Variants in KLK14 observed in about 807,000 individuals in gnomAD.
The protein encoded by KLK14 is kallikrein related peptidase 14.
KLK14 carries 21 observed loss-of-function variants against 24.6 expected under a neutral mutation model. That is an observed-to-expected ratio of 0.85 (90% CI 0.61 to 1.23). The LOEUF (loss-of-function observed/expected upper bound fraction) is 1.23, where lower values mean the gene tolerates loss of function less well. Among genes scored for constraint, KLK14 ranks in the 50% most tolerant of loss-of-function variants. The pLI is 0.00. For synonymous variants in KLK14, 133 were observed against 139.7 expected (o/e 0.95, Z 0.34); for missense variants, 320 against 338.9 (o/e 0.94, Z 0.44).
chr19:51,081,684 C>G lies in KLK14; in HGVS notation c.60G>C (p.Glu20Asp). The G allele has an allele frequency of 6.5e-7, 1 of 1,548,536 alleles. No individual in the cohort carries two copies. Among genetic ancestry groups the G allele is most frequent in the Middle Eastern group, 1.7e-4 (1 of 5,962 alleles). The change falls in exon 3 of 6, where the codon GAG becomes GAC. Residue 20 changes from glutamate (E) to aspartate (D), a missense_variant. Coordinates refer to ENST00000650543, the MANE Select transcript of KLK14 (RefSeq NM_001369775.2). Reference sequence around the variant, plus strand: ...GGCCACCAATTATCTTGTTCTCATCCTCTTGGCTCTGTGTCATGGCTAGGA... The same window carrying G: ...GGCCACCAATTATCTTGTTCTCATCGTCTTGGCTCTGTGTCATGGCTAGGA... ...VLAIAMTQSQ[E>D]DENKIIGGHT...
rs146343682 is a variant in KLK14 at position 51,078,474 on chromosome 19, G to T, written c.604-315C>A. Among the ~76,000 whole-genome samples the T allele has an allele frequency of 5.2e-3, 798 of 152,206 alleles. 9 individuals carry two copies. Among genetic ancestry groups the T allele is most frequent in the African/African-American group, 0.018 (767 of 41,486 alleles). On this transcript the variant is annotated intron_variant, in intron 5 of 5. Coordinates refer to ENST00000650543, the MANE Select transcript of KLK14 (RefSeq NM_001369775.2). The surrounding 1 kb of genome is among the most constrained non-coding windows in gnomAD (Gnocchi z 5.0). Reference sequence around the variant, plus strand: ...TTTCCCCATCTCTGCCTCCCTCAAGGATGCATTAAGATTTCTAGAAGCCTC... The same window carrying T: ...TTTCCCCATCTCTGCCTCCCTCAAGTATGCATTAAGATTTCTAGAAGCCTC...
downstream of KLK14, among the ~76,000 whole-genome samples, chr19:51,077,724 T>C (rs1454959160): frequency 6.4e-4 from 65 of 101,000 alleles, no homozygotes; most frequent in East Asian, 3.2e-3. Context: ...CCTGGACTCC[T>C]GGGTCTGAGG....
chr19:51,078,410 G>A lies in KLK14; in HGVS notation c.604-251C>T, dbSNP rs1001680580. 6.6e-6 allele frequency among the ~76,000 whole-genome samples: 1 copy of A among 152,096 alleles called. No homozygotes were observed. Among genetic ancestry groups the A allele is most frequent in the African/African-American group, 2.4e-5 (1 of 41,402 alleles). Reference sequence around the variant, plus strand: ...AATCTCACCAGGCCCCTCTCTGTTCGCTCCAACTGTAGAACATTTGTGTGT... The same window carrying A: ...AATCTCACCAGGCCCCTCTCTGTTCACTCCAACTGTAGAACATTTGTGTGT... On this transcript the variant is annotated intron_variant, in intron 5 of 5. Coordinates refer to ENST00000650543, the MANE Select transcript of KLK14 (RefSeq NM_001369775.2). This position sits in a 1 kb window ranked among gnomAD's most constrained non-coding sequence, Gnocchi z 5.0.
chr19:51,084,124 A>G (rs895908202), upstream of KLK14: 1 of 152,512 alleles, frequency 6.6e-6, no homozygotes, highest in African/African-American at 2.4e-5. Context: ...GACCTGGAGC[A>G]GAGCTGCCCA....
upstream of KLK14, chr19:51,082,970 A>ATT (rs879505996): frequency 1.2e-3 from 611 of 520,198 alleles, no homozygotes; most frequent in Middle Eastern, 2.1e-3. Context: ...TGCTTCTGAC[A>ATT]TTTTTTTTTT....
upstream of KLK14, among the ~76,000 whole-genome samples, chr19:51,083,742 A>G (rs1225414153): frequency 6.6e-6 from 1 of 151,848 alleles, no homozygotes; most frequent in African/African-American, 2.4e-5. Flanking sequence ...GGAGATAGAA[A>G]AGCAAAAGAC....
chr19:51,078,728 C>T lies in KLK14; in HGVS notation c.603+87G>A. 1 of 1,532,092 alleles carries T rather than the reference C, an allele frequency of 6.5e-7. No homozygotes were observed. Among genetic ancestry groups the T allele is most frequent in the Non-Finnish European group, 8.9e-7 (1 of 1,129,316 alleles). 94.9% of individuals were successfully genotyped at this position (1,532,092 alleles called of 1,614,324 possible). ...CCTGCGGTTCACTCTCTTCTGAAGA[C>T]CTCTGCAGACTTCCATGCTCCTGAC... is the stretch of plus-strand genomic sequence containing the variant. On this transcript the variant is annotated intron_variant, in intron 5 of 5. Coordinates refer to ENST00000650543, the MANE Select transcript of KLK14 (RefSeq NM_001369775.2). This position sits in a 1 kb window ranked among gnomAD's most constrained non-coding sequence, Gnocchi z 5.0.
At chr19:51,082,043 A>G (rs918938357) in intron 2 of KLK14, among the ~76,000 whole-genome samples, 2 of 151,472 alleles carry the variant, frequency 1.3e-5, no homozygotes, top group African/African-American at 2.4e-5. Context: ...TTTCCCCCCA[A>G]TGAGTCCTTC....
downstream of KLK14, chr19:51,077,545 G>T: frequency 5.4e-6 from 1 of 183,588 alleles, no homozygotes; most frequent in Non-Finnish European, 1.1e-5. Flanking sequence ...ATCAGAGCCG[G>T]AGTAAAGATC....
At position 51,078,152 on chromosome 19, in the gene KLK14, G is replaced by C; in HGVS notation, c.611C>G (p.Ser204Cys). ...TCCTCTGCACACCAGGGGTCCCCCAGAGTCACCCTGAGGGGGAGGAACAGA... is the reference window on the plus strand; with the variant it reads ...TCCTCTGCACACCAGGGGTCCCCCACAGTCACCCTGAGGGGGAGGAACAGA... ...QGGKDSCQGDSGGPLVCRGQL... is the reference protein window; with the variant it reads ...QGGKDSCQGDCGGPLVCRGQL... Residue 204 changes from serine to cysteine, a missense_variant, in exon 6 of 6, where the codon TCT (serine) becomes TGT (cysteine). Physicochemically the swap from Ser to Cys is moderately radical, Grantham distance 112. Transcript: ENST00000650543. This position sits in a 1 kb window ranked among gnomAD's most constrained non-coding sequence, Gnocchi z 5.0. The C allele has an allele frequency of 1.9e-6, 3 of 1,613,524 alleles. No individual in the cohort carries two copies. The highest frequency in any genetic ancestry group is 2.5e-6 in the Non-Finnish European group (3 of 1,179,762).
chr19:51,081,299 A>C (rs1263362621), intron 3 of KLK14, among the ~76,000 whole-genome samples: 1 of 152,212 alleles, frequency 6.6e-6, no homozygotes, highest in East Asian at 1.9e-4. Context: ...GGTTCTCAGC[A>C]GGTCCATGGG....
intron 2 of KLK14, among the ~76,000 whole-genome samples, chr19:51,082,035 TC>T (rs1357487149): frequency 6.6e-6 from 1 of 151,530 alleles, no homozygotes; most frequent in Non-Finnish European, 1.5e-5. Flanking sequence ...ATGCCACATT[TC>T]CCCCCAATGA....
Position 51,079,711 on chromosome 19 carries a change from G to A in KLK14, c.213-9C>T, listed in dbSNP as rs777997213. On this transcript the variant is annotated splice_polypyrimidine_tract_variant and intron_variant, in intron 3 of 5. Coordinates refer to ENST00000650543, the MANE Select transcript of KLK14 (RefSeq NM_001369775.2). ...GGGCAACCTGAAGGATCCTGGCCAC[G>A]ACCCCCAAGAGAAGCGCTGCTCAGG... is the stretch of plus-strand genomic sequence containing the variant. 2.1e-5 allele frequency: 32 copies of A among 1,547,654 alleles called. No individual in the cohort carries two copies. The highest frequency in any genetic ancestry group is 2.5e-5 in the Non-Finnish European group (29 of 1,147,604).
intron 3 of KLK14, among the ~76,000 whole-genome samples, chr19:51,081,291 T>G (rs2091837297): frequency 6.6e-6 from 1 of 152,200 alleles, no homozygotes. Flanking sequence ...AGATGTTCGG[T>G]TCTCAGCAGG....
Position 51,078,997 on chromosome 19 carries a change from A to T in KLK14, c.467-46T>A, listed in dbSNP as rs1599796187. On this transcript the variant is annotated intron_variant, in intron 4 of 5. Coordinates refer to ENST00000650543, the MANE Select transcript of KLK14 (RefSeq NM_001369775.2). This position sits in a 1 kb window ranked among gnomAD's most constrained non-coding sequence, Gnocchi z 5.0. ...ATAACTGGGTCTACCCTCCCATAAG[A>T]CCCAAGGGTCCAGGCCCCCAGCCCC... The T allele has an allele frequency of 6.3e-7, 1 of 1,578,280 alleles. No individual in the cohort carries two copies. The highest frequency in any genetic ancestry group is 1.4e-5 in the African/African-American group (1 of 71,802).
intron 2 of KLK14, among the ~76,000 whole-genome samples, chr19:51,082,061 C>T (rs150952506): frequency 2.6e-3 from 389 of 151,984 alleles, no homozygotes; most frequent in African/African-American, 8.7e-3. Flanking sequence ...TTCCCCAACA[C>T]ATTCAAGGAC....
Position 51,081,413 on chromosome 19 carries a change from C to T in KLK14, c.212+119G>A, listed in dbSNP as rs1011434929. On this transcript the variant is annotated intron_variant, in intron 3 of 5. Coordinates refer to ENST00000650543, the MANE Select transcript of KLK14 (RefSeq NM_001369775.2). ...TTGTTCCAGGCTCTTCTCTAGACCTCAAACCAGGAGCCAGCCACTACATTG... is the reference window on the plus strand; with the variant it reads ...TTGTTCCAGGCTCTTCTCTAGACCTTAAACCAGGAGCCAGCCACTACATTG... 1.2e-5 allele frequency: 12 copies of T among 980,520 alleles called. No homozygotes were observed. In the South Asian group the frequency reaches 1.8e-4, roughly 15 times the overall value. 60.7% of individuals were successfully genotyped at this position (980,520 alleles called of 1,614,324 possible). A position where few individuals can be genotyped will look rare whatever the true frequency, so the allele number is the denominator to read the frequency against.
rs2091818065 is a variant in KLK14 at position 51,078,736 on chromosome 19, G to A, written c.603+79C>T. The A allele has an allele frequency of 1.9e-6, 3 of 1,557,186 alleles. No homozygotes were observed. In the South Asian group the frequency reaches 3.6e-5, roughly 19 times the overall value. ...TCACTCTCTTCTGAAGACCTCTGCA[G>A]ACTTCCATGCTCCTGACATCATTTG... On this transcript the variant is annotated intron_variant, in intron 5 of 5. Coordinates refer to ENST00000650543, the MANE Select transcript of KLK14 (RefSeq NM_001369775.2). The surrounding 1 kb of genome is among the most constrained non-coding windows in gnomAD (Gnocchi z 5.0).
At chr19:51,080,254 C>T (rs1020692679) in intron 3 of KLK14, among the ~76,000 whole-genome samples, 3 of 152,086 alleles carry the variant, frequency 2.0e-5, no homozygotes, top group African/African-American at 7.2e-5. Flanking sequence ...AGCTCACTCT[C>T]GACCTCCAAC....
Sources: allele counts gnomAD v4.1 joint callset (sites outside exome capture counted in the v4.1 genomes callset), GRCh38; gene constraint gnomAD v4.1.1; non-coding constraint Gnocchi (gnomAD v3.1); transcripts MANE v1.5; gene names NCBI Gene and HGNC (gene_info 2026-07-23, HGNC 2026-07-21).